Variants in EDNRB observed in about 807,000 individuals in gnomAD.
The protein encoded by EDNRB is endothelin receptor type B.
EDNRB carries 18 observed loss-of-function variants against 46.4 expected under a neutral mutation model. The observed-to-expected ratio is 0.39, with a 90% CI of 0.27 to 0.57. EDNRB has a LOEUF of 0.57. Among genes scored for constraint, EDNRB ranks in the 20% least tolerant of loss-of-function variants. The pLI is 0.61. For synonymous variants in EDNRB, 213 were observed against 204.9 expected, an observed-to-expected ratio of 1.04 and a Z score of -0.34; for missense variants, 434 against 537.5, an observed-to-expected ratio of 0.81 and a Z score of 1.90.
rs1252838963 is a variant in EDNRB, at chr13:77,897,510, C to A, written c.*690G>T. ...ATTTTAAATTCAGCTGGCACATGTG[C>A]CAGTCTGTTACATGCTGCTTGTTTG... On this transcript the variant is annotated 3_prime_UTR_variant, in exon 7 of 7. Transcript: ENST00000646607. 1.0e-6 allele frequency: 1 copy of A among 979,704 alleles called. No individual in the cohort carries two copies. Among genetic ancestry groups the A allele is most frequent in the African/African-American group, 1.8e-5 (1 of 57,054 alleles). The allele number at this position is 979,704 out of a possible 1,614,324, so 60.7% of individuals were successfully genotyped here. A position where few individuals can be genotyped will look rare whatever the true frequency, so the allele number is the denominator to read the frequency against.
chr13:77,954,557 G>C (rs1270410824), intron 1 of EDNRB, among the ~76,000 whole-genome samples: 1 of 151,400 alleles, frequency 6.6e-6, no homozygotes, highest in African/African-American at 2.4e-5. Flanking sequence ...TGTCACCCAG[G>C]CTGGAGTGTA....
In EDNRB at chr13:77,952,061, G is replaced by A. The variant is rs187940965; in HGVS notation, c.-52+23286C>T. Among the ~76,000 whole-genome samples, 242 of 152,278 alleles carry A rather than the reference G, an allele frequency of 1.6e-3. 2 individuals are homozygous for A. Among genetic ancestry groups the A allele is most frequent in the Non-Finnish European group, 3.4e-4 (23 of 68,024 alleles). The stretch of plus-strand genomic sequence containing the variant: ...CTTCATGGTCACCAGAAATGTTGCA[G>A]GGAAGAGGTCCCGATCCAGATCCCA... On this transcript the variant is annotated intron_variant, in intron 1 of 7. Coordinates refer to the EDNRB transcript ENST00000646948.
chr13:77,946,973 G>A (rs1370083583), intron 1 of EDNRB, among the ~76,000 whole-genome samples: 1 of 152,160 alleles, frequency 6.6e-6, no homozygotes, highest in African/African-American at 2.4e-5. Context: ...CAAGTCCTAT[G>A]GGGGTACAGG....
At position 77,896,433 on chromosome 13, in the gene EDNRB, G is replaced by T. The variant is rs3027092; in HGVS notation, c.*1767C>A. 7 of 1,554,876 alleles carry T rather than the reference G, an allele frequency of 4.5e-6. No homozygotes were observed. The highest frequency in any genetic ancestry group is 1.4e-5 in the African/African-American group (1 of 73,556). ...GTGATTTATAAATAGAATCCATATGGTGTGTGAATTAATTATTATTGCTCT... is the reference window on the plus strand; with the variant it reads ...GTGATTTATAAATAGAATCCATATGTTGTGTGAATTAATTATTATTGCTCT... On this transcript the variant is annotated 3_prime_UTR_variant, in exon 7 of 7. Coordinates refer to ENST00000646607, the MANE Select transcript of EDNRB (RefSeq NM_001122659.3).
chr13:77,922,552 G>T (rs1000863700), upstream of EDNRB, among the ~76,000 whole-genome samples: 2 of 152,182 alleles, frequency 1.3e-5, no homozygotes, highest in African/African-American at 4.8e-5. Flanking sequence ...GGTTCAACTG[G>T]TTCTCCACAT....
At chr13:77,939,344 G>A (rs1170108923) in intron 1 of EDNRB, 2 of 152,408 alleles carry the variant, frequency 1.3e-5, no homozygotes, top group Non-Finnish European at 2.9e-5. Context: ...GGTCACAGGG[G>A]ATATGATGGC....
chr13:77,926,945 A>C (rs1405985328), intron 1 of EDNRB, among the ~76,000 whole-genome samples: 2 of 152,244 alleles, frequency 1.3e-5, no homozygotes, highest in African/African-American at 2.4e-5. Context: ...GAAACCTGTG[A>C]TAAAACCATC....
chr13:77,935,416 A>G (rs1880533158), intron 1 of EDNRB, among the ~76,000 whole-genome samples: 1 of 152,114 alleles, frequency 6.6e-6, no homozygotes, highest in African/African-American at 2.4e-5. Flanking sequence ...AAGAGTGGGG[A>G]AAGGATTTAG....
chr13:77,959,069 C>T (rs550140645), intron 1 of EDNRB, among the ~76,000 whole-genome samples: 17 of 152,226 alleles, frequency 1.1e-4, no homozygotes, highest in South Asian at 8.3e-4. Flanking sequence ...AGATTATAGG[C>T]GATTAAAATA....
intron 6 of EDNRB, among the ~76,000 whole-genome samples, chr13:77,898,946 G>A (rs1424384144): frequency 6.6e-6 from 1 of 151,666 alleles, no homozygotes; most frequent in African/African-American, 2.4e-5. Flanking sequence ...TTCAATATTG[G>A]TAAACAATAA....
At chr13:77,968,035 C>T (rs1256599533) in intron 1 of EDNRB, among the ~76,000 whole-genome samples, 1 of 152,136 alleles carries the variant, frequency 6.6e-6, no homozygotes. Context: ...TCCCTAAGTT[C>T]ATGAATTATG....
chr13:77,965,393 C>T (rs1665760733), intron 1 of EDNRB, among the ~76,000 whole-genome samples: 2 of 152,058 alleles, frequency 1.3e-5, no homozygotes, highest in Admixed American at 1.3e-4. Flanking sequence ...AAGAAATGCC[C>T]AAGAATTCTG....
At chr13:77,943,378 C>T (rs1429956924) in intron 1 of EDNRB, among the ~76,000 whole-genome samples, 4 of 152,052 alleles carry the variant, frequency 2.6e-5, no homozygotes, top group African/African-American at 7.2e-5. Context: ...CTCATATACT[C>T]ATGCATTTCA....
At chr13:77,917,228 C>T (rs1230165934) in intron 1 of EDNRB, among the ~76,000 whole-genome samples, 1 of 152,180 alleles carries the variant, frequency 6.6e-6, no homozygotes, top group Non-Finnish European at 1.5e-5. Flanking sequence ...AATTCATTTA[C>T]TTTGATCATC....
chr13:77,898,854 G>T (rs1021533314), intron 6 of EDNRB, among the ~76,000 whole-genome samples: 2 of 151,814 alleles, frequency 1.3e-5, no homozygotes, highest in Non-Finnish European at 2.9e-5. Context: ...TTTCTCACTT[G>T]ACAGTGACAT....
chr13:77,916,661 A>G (rs961396071), intron 1 of EDNRB, among the ~76,000 whole-genome samples: 1 of 152,188 alleles, frequency 6.6e-6, no homozygotes, highest in Non-Finnish European at 1.5e-5. Flanking sequence ...GCCTTATGGT[A>G]ACTACTCCTG....
chr13:77,969,092 A>C (rs17068607), intron 1 of EDNRB, among the ~76,000 whole-genome samples: 5,683 of 152,282 alleles, frequency 0.037, 349 homozygotes, highest in African/African-American at 0.13. Context: ...AGTTTCGTTT[A>C]AGCCTTGTGG....
At chr13:77,937,667 C>T (rs530664932) in intron 1 of EDNRB, among the ~76,000 whole-genome samples, 24 of 152,080 alleles carry the variant, frequency 1.6e-4, no homozygotes, top group Non-Finnish European at 2.2e-4. Context: ...AACTGTAAGC[C>T]GGACCAAATG....
At chr13:77,969,071 A>T (rs183610229) in intron 1 of EDNRB, among the ~76,000 whole-genome samples, 86 of 152,334 alleles carry the variant, frequency 5.6e-4, no homozygotes, top group Non-Finnish European at 8.2e-4. Flanking sequence ...ATGGCTTCTT[A>T]AAAAGCACTG....
Sources: allele counts gnomAD v4.1 joint callset (sites outside exome capture counted in the v4.1 genomes callset), GRCh38; gene constraint gnomAD v4.1.1; transcripts MANE v1.5; gene names NCBI Gene and HGNC (gene_info 2026-07-23, HGNC 2026-07-21).